The following TAF3 variants were observed in gnomAD, a reference collection of about 807,000 sequenced individuals.
TAF3 encodes the protein transcription initiation factor TFIID subunit 3.
TAF3 carries 7 observed loss-of-function variants against 80.6 expected under a neutral mutation model. That is an observed-to-expected ratio of 0.09 (90% CI 0.05 to 0.16). The LOEUF (loss-of-function observed/expected upper bound fraction) is 0.16, where lower values mean the gene tolerates loss of function less well. Ranked by LOEUF, TAF3 falls within the 10% of genes least tolerant of loss-of-function variation. The pLI, the probability that TAF3 is intolerant of heterozygous loss-of-function variation, is 1.00. For synonymous variants in TAF3, 444 were observed against 446.1 expected (o/e 1.00, Z 0.06); for missense variants, 921 against 1,140.2 (o/e 0.81, Z 2.77).
rs1176324902 is a variant in TAF3, at chr10:7,850,637, C to G, written c.409+26077C>G. Among the ~76,000 whole-genome samples the G allele has an allele frequency of 2.6e-5, 4 of 151,540 alleles. No individual in the cohort carries two copies. In the East Asian group the frequency reaches 7.7e-4, roughly 29 times the overall value. On this transcript the variant is annotated intron_variant, in intron 2 of 6. Transcript: ENST00000344293. ...GTTGCAGTGAGCTGAGATGGTGCCA[C>G]TGCACTCCAGCCTAGCAAGAGAGCA...
At chr10:7,997,070 A>G (rs1374114893) in intron 4 of TAF3, among the ~76,000 whole-genome samples, 1 of 152,130 alleles carries the variant, frequency 6.6e-6, no homozygotes, top group Non-Finnish European at 1.5e-5. Context: ...TTGATCAAAA[A>G]CTGAAATCTG....
At chr10:7,948,148 G>A (rs1254009494) in intron 2 of TAF3, among the ~76,000 whole-genome samples, 9 of 151,024 alleles carry the variant, frequency 6.0e-5, no homozygotes, top group Admixed American at 1.3e-4. Context: ...CTGCGACCTC[G>A]AACTCTTAGG....
In TAF3 at chr10:8,009,406, C is replaced by T. The variant is rs117393960; in HGVS notation, c.2568+76C>T. 1,164 of 1,481,484 alleles carry T rather than the reference C, an allele frequency of 7.9e-4. 13 individuals are homozygous for T. The East Asian group carries it at 0.026, about 33-fold the overall frequency. The allele number at this position is 1,481,484 out of a possible 1,614,324, so 91.8% of individuals were successfully genotyped here. A position where few individuals can be genotyped will look rare whatever the true frequency, so the allele number is the denominator to read the frequency against. On this transcript the variant is annotated intron_variant, in intron 5 of 6. Transcript: ENST00000344293. This position sits in a 1 kb window ranked among gnomAD's most constrained non-coding sequence, Gnocchi z 4.1. Reference sequence around the variant, plus strand: ...ACAAGTGTGTGCTCTGAATCACTATCGAATTTCAGACGCATTTCTCTTCAA... The same window carrying T: ...ACAAGTGTGTGCTCTGAATCACTATTGAATTTCAGACGCATTTCTCTTCAA...
chr10:7,999,431 AAAAAAAAG>A (rs1472071080), intron 4 of TAF3, among the ~76,000 whole-genome samples: 1 of 147,460 alleles, frequency 6.8e-6, no homozygotes, highest in Non-Finnish European at 1.5e-5. Flanking sequence ...GCTGTTAAAA[AAAAAAAAG>A]AAAGAAAGAA....
chr10:7,864,011 C>T (rs1837183959), intron 2 of TAF3, among the ~76,000 whole-genome samples: 1 of 152,042 alleles, frequency 6.6e-6, no homozygotes, highest in Non-Finnish European at 1.5e-5. Context: ...GCTCCTTCAT[C>T]CCCTTATCCT....
At chr10:8,011,101 G>A (rs1366848483) in intron 5 of TAF3, among the ~76,000 whole-genome samples, 1 of 152,142 alleles carries the variant, frequency 6.6e-6, no homozygotes, top group Non-Finnish European at 1.5e-5. Flanking sequence ...CATTGCCATT[G>A]CTGTGACTAC....
chr10:7,936,195 G>A (rs1368008771), intron 2 of TAF3, among the ~76,000 whole-genome samples: 3 of 152,216 alleles, frequency 2.0e-5, no homozygotes, highest in African/African-American at 7.2e-5. Context: ...TTGCTTTCAA[G>A]ACTCTGGGAA....
At chr10:7,863,542 G>A (rs1382237744) in intron 2 of TAF3, among the ~76,000 whole-genome samples, 2 of 145,990 alleles carry the variant, frequency 1.4e-5, no homozygotes. Flanking sequence ...CCTCAGAGGC[G>A]GAGGTTGCAG....
chr10:7,822,262 T>C (rs373419519), intron 1 of TAF3, among the ~76,000 whole-genome samples: 1 of 142,548 alleles, frequency 7.0e-6, no homozygotes, highest in East Asian at 2.0e-4. Flanking sequence ...AAAAAAAAGG[T>C]GGCCGAAGGG....
At chr10:7,912,716 T>C (rs1037342903) in intron 2 of TAF3, among the ~76,000 whole-genome samples, 23 of 152,192 alleles carry the variant, frequency 1.5e-4, no homozygotes, top group Non-Finnish European at 7.3e-5. Context: ...AACAAATCAT[T>C]TAATATTTCC....
chr10:7,842,379 T>G (rs1413616826), intron 2 of TAF3, among the ~76,000 whole-genome samples: 1 of 151,990 alleles, frequency 6.6e-6, no homozygotes, highest in Non-Finnish European at 1.5e-5. Context: ...TGGCTGGTCT[T>G]GAACTGCAAG....
At chr10:7,946,647 C>T (rs1838027162) in intron 2 of TAF3, among the ~76,000 whole-genome samples, 1 of 151,902 alleles carries the variant, frequency 6.6e-6, no homozygotes, top group Admixed American at 6.6e-5. Context: ...CACTTGGACC[C>T]AGGAGGTGGA....
intron 2 of TAF3, among the ~76,000 whole-genome samples, chr10:7,871,261 A>G (rs1263324127): frequency 6.6e-6 from 1 of 152,126 alleles, no homozygotes; most frequent in Non-Finnish European, 1.5e-5. Flanking sequence ...AGGAAATATT[A>G]GTAATGATGG....
At chr10:7,949,709 A>G (rs2131402531) in intron 2 of TAF3, among the ~76,000 whole-genome samples, 1 of 152,326 alleles carries the variant, frequency 6.6e-6, no homozygotes, top group South Asian at 2.1e-4. Flanking sequence ...AACAAACAAA[A>G]CCAAAACATT....
rs1332411223 is a variant in TAF3, at chr10:7,818,546, G to A, written c.-164G>A. ...AGTCCAAAATGGCGGCTCTCAGGCT[G>A]GCGCGCTCCGTGCTGCTGGGGCTTT... On this transcript the variant is annotated 5_prime_UTR_variant, in exon 1 of 7. Transcript: ENST00000344293. 2.4e-5 allele frequency: 16 copies of A among 666,952 alleles called. No homozygotes were observed. The highest frequency in any genetic ancestry group is 7.8e-5 in the Admixed American group (2 of 25,768). 41.3% of individuals were successfully genotyped at this position (666,952 alleles called of 1,614,324 possible). A position where few individuals can be genotyped will look rare whatever the true frequency, so the allele number is the denominator to read the frequency against.
intron 4 of TAF3, among the ~76,000 whole-genome samples, chr10:7,988,572 CAAAAAAAA>C (rs58825999): frequency 5.9e-4 from 29 of 49,282 alleles, no homozygotes; most frequent in Admixed American, 9.5e-4. Flanking sequence ...GACCCTGTCT[CAAAAAAAA>C]AAAAAAAAAA....
chr10:7,970,747 C>T lies in TAF3; in HGVS notation c.2232+5005C>T, dbSNP rs187186672. Among the ~76,000 whole-genome samples the T allele has an allele frequency of 1.9e-3, 296 of 152,300 alleles. 1 individual carries two copies. Among genetic ancestry groups the T allele is most frequent in the Non-Finnish European group, 3.4e-3 (229 of 68,026 alleles). On this transcript the variant is annotated intron_variant, in intron 3 of 6. Transcript: ENST00000344293. ...ATTAAAAATTTTAATGTTTCTTTATCCCCAAGTCCTGTAGGATTTGCCCCC... is the reference window on the plus strand; with the variant it reads ...ATTAAAAATTTTAATGTTTCTTTATTCCCAAGTCCTGTAGGATTTGCCCCC...
At chr10:7,948,154 T>C (rs541284722) in intron 2 of TAF3, among the ~76,000 whole-genome samples, 1 of 151,786 alleles carries the variant, frequency 6.6e-6, no homozygotes, top group African/African-American at 2.4e-5. Context: ...CCTCGAACTC[T>C]TAGGTTCAAG....
In TAF3 at chr10:7,950,020, C is replaced by T. The variant is rs529724657; in HGVS notation, c.410-13900C>T. ...TAGAGTCAATGATACATGGTGAAAT[C>T]GTTTCTCTCATTTTTCTAATAATAG... On this transcript the variant is annotated intron_variant, in intron 2 of 6. Coordinates refer to ENST00000344293, the MANE Select transcript of TAF3 (RefSeq NM_031923.4). Among the ~76,000 whole-genome samples, 8 of 152,282 alleles carry T rather than the reference C, an allele frequency of 5.3e-5. No individual in the cohort carries two copies. In the South Asian group the frequency reaches 8.3e-4, roughly 16 times the overall value.
Sources: allele counts gnomAD v4.1 joint callset (sites outside exome capture counted in the v4.1 genomes callset), GRCh38; gene constraint gnomAD v4.1.1; non-coding constraint Gnocchi (gnomAD v3.1); transcripts MANE v1.5; gene names NCBI Gene and HGNC (gene_info 2026-07-23, HGNC 2026-07-21).